Variants in ODAD2 observed in about 807,000 individuals in gnomAD.
ODAD2 encodes outer dynein arm docking complex subunit 2, also known as outer dynein arm-docking complex subunit 2.
In ODAD2, 89 loss-of-function variants were observed where a neutral mutation model predicts 106.8. That is an observed-to-expected ratio of 0.83 (90% CI 0.70 to 0.99). ODAD2 has a LOEUF of 0.99. ODAD2 is among the 50% of genes least tolerant of loss of function. The probability of loss-of-function intolerance (pLI) is 0.00; values close to 1 mark genes in which losing one functional copy is unlikely to be tolerated. For missense variants in ODAD2, 1,168 were observed against 1,238.5 expected, an observed-to-expected ratio of 0.94 and a Z score of 0.85; for synonymous variants, 404 against 436.2, an observed-to-expected ratio of 0.93 and a Z score of 0.92.
chr10:27,925,207 G>A (rs1845173259), intron 16 of ODAD2, among the ~76,000 whole-genome samples: 1 of 152,090 alleles, frequency 6.6e-6, no homozygotes, highest in African/African-American at 2.4e-5. Flanking sequence ...TTCCAGGAAT[G>A]CAAGGTTAGT....
At chr10:27,908,921 T>C (rs980411935) in intron 16 of ODAD2, among the ~76,000 whole-genome samples, 2 of 151,994 alleles carry the variant, frequency 1.3e-5, no homozygotes, top group African/African-American at 2.4e-5. Context: ...TAAGAAAAAA[T>C]ACACGTAAAA....
intron 17 of ODAD2, among the ~76,000 whole-genome samples, chr10:27,877,847 C>T (rs565667077): frequency 6.6e-6 from 1 of 152,266 alleles, no homozygotes; most frequent in Admixed American, 6.5e-5. Flanking sequence ...TTATAAAGGA[C>T]TTCCACATGC....
intron 17 of ODAD2, chr10:27,905,048 CTGAGGCT>C (rs1843487979): frequency 5.5e-6 from 1 of 182,944 alleles, no homozygotes. Flanking sequence ...GGAGATGGTG[CTGAGGCT>C]TGAGCGCTGA....
At chr10:27,883,960 T>C (rs1841909229) in intron 17 of ODAD2, among the ~76,000 whole-genome samples, 1 of 150,926 alleles carries the variant, frequency 6.6e-6, no homozygotes, top group Admixed American at 6.6e-5. Flanking sequence ...AACATACACA[T>C]ATGAGCATTC....
At chr10:27,823,447 A>G (rs1362375638) in intron 19 of ODAD2, among the ~76,000 whole-genome samples, 1 of 152,132 alleles carries the variant, frequency 6.6e-6, no homozygotes, top group Non-Finnish European at 1.5e-5. Context: ...TTGAATCCTG[A>G]CTTCACATCT....
chr10:27,905,075 C>T, intron 17 of ODAD2: 1 of 201,602 alleles, frequency 5.0e-6, no homozygotes, highest in Non-Finnish European at 1.1e-5. Context: ...AGCCCAGCTG[C>T]AGATCTAAGA....
chr10:27,880,377 A>T (rs1841619717), intron 17 of ODAD2, among the ~76,000 whole-genome samples: 1 of 152,222 alleles, frequency 6.6e-6, no homozygotes, highest in African/African-American at 2.4e-5. Context: ...TGTCTAAAAA[A>T]ATTCCTTTGG....
At chr10:27,940,299 A>G (rs1262077590) in intron 13 of ODAD2, among the ~76,000 whole-genome samples, 1 of 151,808 alleles carries the variant, frequency 6.6e-6, no homozygotes, top group Non-Finnish European at 1.5e-5. Flanking sequence ...TATGTGTGAT[A>G]TATATATAAA....
intron 1 of ODAD2, among the ~76,000 whole-genome samples, chr10:27,996,022 C>T (rs967301995): frequency 3.9e-5 from 6 of 152,082 alleles, no homozygotes; most frequent in South Asian, 4.1e-4. Context: ...TTCACATTGG[C>T]TAAATAGAAA....
At position 27,981,582 on chromosome 10, in the gene ODAD2, C is replaced by A; in HGVS notation, c.820G>T (p.Gly274Cys). 2 of 1,535,580 alleles carry A rather than the reference C, an allele frequency of 1.3e-6. No individual in the cohort carries two copies. The highest frequency in any genetic ancestry group is 1.7e-6 in the Non-Finnish European group (2 of 1,152,526). ...ACGTCCCCTTCATCATCTGTTTTGC[C>A]CTTTGGGAAAAAACAAGTTTCATTC... ...CSAGGVFLNG[G>C]KTDDEGDVNY... is the part of the protein sequence containing the mutation. Residue 274 changes from glycine to cysteine, a missense_variant and splice_region_variant, in exon 7 of 20, where the codon GGC becomes TGC. Transcript: ENST00000305242.
intron 12 of ODAD2, among the ~76,000 whole-genome samples, chr10:27,941,595 A>AATT (rs1846439557): frequency 1.2e-5 from 1 of 83,092 alleles, no homozygotes; most frequent in South Asian, 4.9e-4. Flanking sequence ...GCCAGCATCC[A>AATT]GTTTTTTTTT....
intron 10 of ODAD2, among the ~76,000 whole-genome samples, chr10:27,946,544 T>C (rs1325397344): frequency 1.3e-5 from 2 of 152,190 alleles, no homozygotes; most frequent in Admixed American, 6.5e-5. Context: ...AATTCCTCCC[T>C]TCTAGCTGTT....
Position 27,944,982 on chromosome 10 carries a change from G to A in ODAD2, c.1387-20C>T. 3.7e-6 allele frequency: 6 copies of A among 1,613,616 alleles called. No homozygotes were observed. Among genetic ancestry groups the A allele is most frequent in the Non-Finnish European group, 5.1e-6 (6 of 1,179,668 alleles). ...TCCTCCCTACAAAGATGCAATGCCA[G>A]AGAAAGGTTAAGGAACACCGCATTC... On this transcript the variant is annotated intron_variant, in intron 10 of 19. Transcript: ENST00000305242.
At chr10:27,844,214 T>C (rs186489249) in intron 19 of ODAD2, among the ~76,000 whole-genome samples, 150 of 152,122 alleles carry the variant, frequency 9.9e-4, no homozygotes, top group Middle Eastern at 3.4e-3. Context: ...AAAAGAATAA[T>C]TGGCATAAAT....
At chr10:27,876,104 A>T (rs1841321890) in intron 17 of ODAD2, among the ~76,000 whole-genome samples, 1 of 151,992 alleles carries the variant, frequency 6.6e-6, no homozygotes, top group Non-Finnish European at 1.5e-5. Context: ...GTCACTGTAG[A>T]CTCCACATCT....
At chr10:27,853,594 TA>T (rs1839446542) in intron 19 of ODAD2, among the ~76,000 whole-genome samples, 1 of 152,138 alleles carries the variant, frequency 6.6e-6, no homozygotes, top group Non-Finnish European at 1.5e-5. Flanking sequence ...GACCATTTTA[TA>T]ATAATACAGA....
chr10:27,994,444 G>GGA (rs1371289947), intron 2 of ODAD2, among the ~76,000 whole-genome samples: 2 of 152,080 alleles, frequency 1.3e-5, no homozygotes, highest in Non-Finnish European at 2.9e-5. Context: ...AGAAGAATAT[G>GGA]GATGACCTGG....
intron 15 of ODAD2, 98 bp downstream of exon 15, chr10:27,936,628 A>C (rs1047394057): frequency 7.7e-7 from 1 of 1,297,284 alleles, no homozygotes; most frequent in African/African-American, 1.5e-5. Flanking sequence ...ATCTACAACT[A>C]ACATTAGAAT....
At chr10:27,901,233 A>G (rs1410492412) in intron 17 of ODAD2, among the ~76,000 whole-genome samples, 1 of 152,220 alleles carries the variant, frequency 6.6e-6, no homozygotes, top group East Asian at 1.9e-4. Context: ...AGCGAAGGAG[A>G]AATAAAATCC....
Sources: gnomAD v4.1 joint callset for allele counts (sites outside exome capture counted in the v4.1 genomes callset) on GRCh38, gnomAD v4.1.1 for gene constraint, MANE v1.5 for transcripts, NCBI Gene and HGNC (gene_info 2026-07-23, HGNC 2026-07-21) for gene names.